AGMO: variants seen among roughly 807,000 people sequenced by gnomAD.
AGMO encodes glyceryl-ether monooxygenase.
Under a neutral mutation model 60.2 loss-of-function variants are expected in AGMO, and 75 were observed. The ratio of observed to expected loss-of-function variants is 1.25; its 90% confidence interval spans 1.03 to 1.51. AGMO has a LOEUF of 1.51. Among genes scored for constraint, AGMO ranks in the 40% most tolerant of loss-of-function variants. The pLI is 0.00. For synonymous variants in AGMO, 261 were observed against 177.1 expected, an observed-to-expected ratio of 1.47 and a Z score of -3.76; for missense variants, 763 against 525.5, an observed-to-expected ratio of 1.45 and a Z score of -4.42.
the AGMO span, among the ~76,000 whole-genome samples, chr7:15,193,626 C>T: frequency 2.0e-5 from 3 of 152,112 alleles, no homozygotes; most frequent in African/African-American, 4.8e-5. Context: ...TTGCAAGCTT[C>T]GTTTTCAATA....
the AGMO span, among the ~76,000 whole-genome samples, chr7:15,127,521 T>A: frequency 6.6e-6 from 1 of 152,060 alleles, no homozygotes; most frequent in African/African-American, 2.4e-5. Flanking sequence ...TAATAGAAGA[T>A]ACCAAGGGAA....
intron 12 of AGMO, among the ~76,000 whole-genome samples, chr7:15,291,489 G>C (rs540942411): frequency 1.3e-5 from 2 of 152,140 alleles, no homozygotes; most frequent in South Asian, 4.1e-4. Context: ...AATTTGGAAA[G>C]TATTCTTTGT....
intron 12 of AGMO, among the ~76,000 whole-genome samples, chr7:15,354,492 A>ACGTGTGTATATACG (rs1782434697): frequency 4.6e-5 from 1 of 21,704 alleles, no homozygotes; most frequent in Non-Finnish European, 8.2e-5. Context: ...GTATATACAC[A>ACGTGTGTATATACG]CGTGTATATA....
intron 12 of AGMO, among the ~76,000 whole-genome samples, chr7:15,254,112 ATTCT>A (rs1236188474): frequency 6.6e-6 from 1 of 151,850 alleles, no homozygotes; most frequent in Non-Finnish European, 1.5e-5. Context: ...TTTTCTTTTT[ATTCT>A]TTCTTTTTTC....
chr7:15,557,758 C>G (rs969413049), intron 2 of AGMO, among the ~76,000 whole-genome samples: 6 of 152,066 alleles, frequency 3.9e-5, no homozygotes, highest in African/African-American at 1.4e-4. Flanking sequence ...ATCCACATTT[C>G]ATAATTTAGA....
rs768227493 is a variant in AGMO at position 15,366,218 on chromosome 7, A to C, written c.1079T>G (p.Leu360Arg). 6.2e-7 allele frequency: 1 copy of C among 1,602,694 alleles called. No homozygotes were observed. The highest frequency in any genetic ancestry group is 2.3e-5 in the East Asian group (1 of 43,864). ...CCTCAGAAGGAGAGTAACTTGCGAC[A>C]GTGCCTGTCAAACAAACACGGAGAT... The part of the protein sequence containing the change: ...YEETFADTAA[L>R]SQVTLLLRVC... Residue 360 changes from leucine to arginine, a missense_variant, in exon 11 of 13, where the codon CTG becomes CGG. Coordinates refer to ENST00000342526, the MANE Select transcript of AGMO (RefSeq NM_001004320.2).
chr7:15,431,596 C>T (rs1781242105), intron 3 of AGMO, among the ~76,000 whole-genome samples: 1 of 151,694 alleles, frequency 6.6e-6, no homozygotes, highest in African/African-American at 2.4e-5. Context: ...TCTGAGAAGT[C>T]TCAAAATCTG....
intron 12 of AGMO, among the ~76,000 whole-genome samples, chr7:15,251,121 C>T (rs1442320397): frequency 2.0e-5 from 3 of 151,970 alleles, no homozygotes; most frequent in African/African-American, 7.3e-5. Flanking sequence ...AATACTTTAG[C>T]CCAGCTCAAA....
At chr7:15,365,413 T>G in intron 12 of AGMO, 101 bp downstream of exon 12, 3 of 350,118 alleles carry the variant, frequency 8.6e-6, no homozygotes, top group Non-Finnish European at 1.4e-5. Context: ...ATTTCCCACA[T>G]GTACTGGTCA....
the AGMO span, among the ~76,000 whole-genome samples, chr7:15,184,328 A>AAGGAAAGAAGGGAGGGAG: frequency 1.1e-5 from 1 of 92,090 alleles, no homozygotes. Flanking sequence ...GGAGGGAAGG[A>AAGGAAAGAAGGGAGGGAG]GGAAGGAAGG....
intron 3 of AGMO, among the ~76,000 whole-genome samples, chr7:15,514,458 A>G (rs375999089): frequency 1.3e-5 from 2 of 152,192 alleles, no homozygotes; most frequent in East Asian, 3.9e-4. Flanking sequence ...CCAAACGTTG[A>G]GAGATATATA....
intron 12 of AGMO, among the ~76,000 whole-genome samples, chr7:15,270,635 T>TTTTTTTTTTTTTTTTTTTG (rs1563063233): frequency 3.4e-5 from 4 of 116,300 alleles, no homozygotes; most frequent in African/African-American, 1.4e-4. Context: ...TTTTTTTTTT[T>TTTTTTTTTTTTTTTTTTTG]TTGCTGTGCA....
rs574628453 is a variant in AGMO at position 15,510,658 on chromosome 7, A to C, written c.409+34114T>G. On this transcript the variant is annotated intron_variant, in intron 3 of 12. Coordinates refer to ENST00000342526, the MANE Select transcript of AGMO (RefSeq NM_001004320.2). ...ACAACAACGTAGATGAACCTGGAGG[A>C]TATTAACACTATTTGAAATAAGCCA... 7.3e-5 allele frequency among the ~76,000 whole-genome samples: 11 copies of C among 150,276 alleles called. No homozygotes were observed. The East Asian group carries it at 2.1e-3, about 29-fold the overall frequency.
At chr7:15,355,683 T>A (rs541814301) in intron 12 of AGMO, among the ~76,000 whole-genome samples, 1 of 151,950 alleles carries the variant, frequency 6.6e-6, no homozygotes, top group African/African-American at 2.4e-5. Flanking sequence ...ATGGAAAAAA[T>A]TGATGTCTAT....
chr7:15,444,493 A>G (rs887866196), intron 3 of AGMO, among the ~76,000 whole-genome samples: 1 of 152,228 alleles, frequency 6.6e-6, no homozygotes, highest in Non-Finnish European at 1.5e-5. Flanking sequence ...CCTTCTTGCC[A>G]AAACCAAAGG....
chr7:15,546,759 G>C (rs1271616063), intron 2 of AGMO, among the ~76,000 whole-genome samples: 1 of 152,218 alleles, frequency 6.6e-6, no homozygotes, highest in Non-Finnish European at 1.5e-5. Context: ...TTTTATGAAG[G>C]TATGCTAGTC....
intron 3 of AGMO, among the ~76,000 whole-genome samples, chr7:15,541,411 T>C (rs114664034): frequency 0.094 from 14,285 of 152,218 alleles, 2,246 homozygotes; most frequent in African/African-American, 0.32. Flanking sequence ...TGAGCCACTG[T>C]GTCCAGCCTA....
intron 3 of AGMO, among the ~76,000 whole-genome samples, chr7:15,496,532 G>A (rs1231643698): frequency 1.5e-5 from 2 of 132,634 alleles, no homozygotes; most frequent in Admixed American, 1.7e-4. Context: ...TTGCTTGTGA[G>A]AATTGAGGCT....
intron 3 of AGMO, among the ~76,000 whole-genome samples, chr7:15,432,009 C>T (rs1034023266): frequency 4.0e-5 from 6 of 151,548 alleles, no homozygotes; most frequent in South Asian, 2.1e-4. Flanking sequence ...AATTATAGAT[C>T]GAAATGTCAC....
Sources: allele counts gnomAD v4.1 joint callset (sites outside exome capture counted in the v4.1 genomes callset), GRCh38; gene constraint gnomAD v4.1.1; transcripts MANE v1.5; gene names NCBI Gene and HGNC (gene_info 2026-07-23, HGNC 2026-07-21).